USP48: variants seen among roughly 807,000 people sequenced by gnomAD.
USP48 encodes ubiquitin specific peptidase 48, also known as ubiquitin carboxyl-terminal hydrolase 48.
In USP48, 43 loss-of-function variants were observed where a neutral mutation model predicts 150.7. That is an observed-to-expected ratio of 0.29 (90% CI 0.22 to 0.37). The LOEUF (loss-of-function observed/expected upper bound fraction) is 0.37. Ranked by LOEUF, USP48 falls within the 10% of genes least tolerant of loss-of-function variation. The pLI is 1.00. For missense variants in USP48, 813 were observed against 1,249.6 expected, an observed-to-expected ratio of 0.65 and a Z score of 5.27; for synonymous variants, 396 against 425.9, an observed-to-expected ratio of 0.93 and a Z score of 0.86.
chr1:21,703,094 T>A (rs1478344891), intron 21 of USP48, among the ~76,000 whole-genome samples: 1 of 152,224 alleles, frequency 6.6e-6, no homozygotes, highest in African/African-American at 2.4e-5. Flanking sequence ...TCCTGTCTAC[T>A]CCCTGTCTCA....
chr1:21,733,927 A>G (rs2097762924), intron 9 of USP48, among the ~76,000 whole-genome samples: 1 of 151,938 alleles, frequency 6.6e-6, no homozygotes, highest in Non-Finnish European at 1.5e-5. Flanking sequence ...AAGTGTTGGG[A>G]TTATAGATGT....
At chr1:21,713,912 C>T (rs2097697193) in intron 15 of USP48, among the ~76,000 whole-genome samples, 1 of 152,142 alleles carries the variant, frequency 6.6e-6, no homozygotes, top group South Asian at 2.1e-4. Context: ...AAGACCCAAA[C>T]ACACACCCCA....
At chr1:21,766,370 A>C (rs1306463825) in intron 1 of USP48, among the ~76,000 whole-genome samples, 2 of 152,012 alleles carry the variant, frequency 1.3e-5, no homozygotes, top group African/African-American at 2.4e-5. Flanking sequence ...AAAAAAAAAC[A>C]ATGTTCCACA....
At chr1:21,681,481 C>A (rs1022884035) in intron 25 of USP48, among the ~76,000 whole-genome samples, 7 of 151,940 alleles carry the variant, frequency 4.6e-5, no homozygotes, top group Admixed American at 6.6e-5. Flanking sequence ...AGGCTCGTCT[C>A]GAACTCTTGA....
In USP48 at chr1:21,783,050, C is replaced by G; in HGVS notation, c.-93G>C. On this transcript the variant is annotated 5_prime_UTR_variant, in exon 1 of 27. Coordinates refer to ENST00000308271, the MANE Select transcript of USP48 (RefSeq NM_032236.8). ...CCCAATGGGCTTCGCCACCTGCCAG[C>G]AAGGAGGACCTGGCGCTCCTTCAGG... is the stretch of plus-strand genomic sequence containing the variant. The G allele has an allele frequency of 7.2e-7, 1 of 1,397,516 alleles. No homozygotes were observed. The highest frequency in any genetic ancestry group is 1.6e-5 in the South Asian group (1 of 63,720). 86.6% of individuals were successfully genotyped at this position (1,397,516 alleles called of 1,614,324 possible).
chr1:21,710,432 C>T (rs1274607872), intron 15 of USP48, among the ~76,000 whole-genome samples: 1 of 151,952 alleles, frequency 6.6e-6, no homozygotes, highest in Non-Finnish European at 1.5e-5. Context: ...AAACACAGCC[C>T]ATCGTCTAAG....
chr1:21,761,738 C>G (rs1236829533), intron 1 of USP48, among the ~76,000 whole-genome samples: 2 of 152,064 alleles, frequency 1.3e-5, no homozygotes, highest in African/African-American at 4.8e-5. Context: ...GCACTACAGC[C>G]TGGCCAACAA....
intron 9 of USP48, 74 bp downstream of exon 9, chr1:21,736,372 A>G: frequency 7.2e-7 from 1 of 1,388,808 alleles, no homozygotes; most frequent in Non-Finnish European, 9.7e-7. Context: ...CTTGAGCCAT[A>G]ATAATTTATC....
intron 1 of USP48, among the ~76,000 whole-genome samples, chr1:21,761,462 T>C: frequency 6.6e-6 from 1 of 150,860 alleles, no homozygotes; most frequent in South Asian, 2.1e-4. Flanking sequence ...AAAAACAGGG[T>C]CTTGCCATGT....
intron 7 of USP48, 82 bp downstream of exon 7, chr1:21,748,056 C>T: frequency 7.5e-7 from 1 of 1,329,692 alleles, no homozygotes; most frequent in Non-Finnish European, 9.8e-7. Context: ...AAATTACAAC[C>T]ATTTTATCAT....
chr1:21,688,314 G>A (rs1357031899), intron 24 of USP48, among the ~76,000 whole-genome samples: 1 of 151,918 alleles, frequency 6.6e-6, no homozygotes, highest in Non-Finnish European at 1.5e-5. Flanking sequence ...CACCTCCCGA[G>A]TTCACGCCAT....
At position 21,678,634 on chromosome 1, in the gene USP48, A is replaced by G. The variant is rs894013542; in HGVS notation, c.*783T>C. On this transcript the variant is annotated 3_prime_UTR_variant, in exon 27 of 27. Coordinates refer to ENST00000308271, the MANE Select transcript of USP48 (RefSeq NM_032236.8). Reference sequence around the variant, plus strand: ...TTTTTTATTTTCAAACGTGCCAGGTACATTTCCCACTTTTGAATAACAGCA... The same window carrying G: ...TTTTTTATTTTCAAACGTGCCAGGTGCATTTCCCACTTTTGAATAACAGCA... 6.6e-6 allele frequency: 1 copy of G among 152,228 alleles called. No homozygotes were observed. The highest frequency in any genetic ancestry group is 1.5e-5 in the Non-Finnish European group (1 of 68,036). The allele number at this position is 152,228 out of a possible 1,614,324, so 9.4% of individuals were successfully genotyped here. A position where few individuals can be genotyped will look rare whatever the true frequency, so the allele number is the denominator to read the frequency against.
chr1:21,741,766 G>GT (rs1458754807), intron 8 of USP48, among the ~76,000 whole-genome samples: 3 of 152,016 alleles, frequency 2.0e-5, no homozygotes, highest in Admixed American at 2.0e-4. Context: ...GCTTAAGGCC[G>GT]TAAGTCCGAA....
In USP48 at chr1:21,682,212, T is replaced by C. The variant is rs560416593; in HGVS notation, c.3059-1378A>G. Among the ~76,000 whole-genome samples, 9 of 152,300 alleles carry C rather than the reference T, an allele frequency of 5.9e-5. No homozygotes were observed. The South Asian group carries it at 1.7e-3, about 28-fold the overall frequency. On this transcript the variant is annotated intron_variant, in intron 25 of 26. Coordinates refer to ENST00000308271, the MANE Select transcript of USP48 (RefSeq NM_032236.8). ...GGTGTGAGGGTTACAGACTTATAGA[T>C]TGGAACTTGCTTTCCCTCAGGATCT...
chr1:21,693,928 T>C (rs2097612658), intron 23 of USP48, among the ~76,000 whole-genome samples: 1 of 152,104 alleles, frequency 6.6e-6, no homozygotes, highest in African/African-American at 2.4e-5. Flanking sequence ...ACAAGAAAAA[T>C]GTGTAACCAG....
chr1:21,748,090 A>C, intron 7 of USP48, 48 bp downstream of exon 7: 3 of 1,584,446 alleles, frequency 1.9e-6, no homozygotes, highest in Non-Finnish European at 2.6e-6. Context: ...AAGTCTGTAC[A>C]TAGTAGACCA....
intron 9 of USP48, among the ~76,000 whole-genome samples, chr1:21,735,424 A>AC (rs2097766660): frequency 6.6e-6 from 1 of 152,122 alleles, no homozygotes; most frequent in Admixed American, 6.5e-5. Context: ...ACCAGGTAAG[A>AC]CCCCGTCTCC....
At chr1:21,778,422 T>C (rs1240610721) in intron 1 of USP48, among the ~76,000 whole-genome samples, 1 of 151,814 alleles carries the variant, frequency 6.6e-6, no homozygotes, top group African/African-American at 2.4e-5. Flanking sequence ...ATATACTGCT[T>C]GTGAATATGT....
chr1:21,728,458 T>C, intron 11 of USP48, 112 bp downstream of exon 11: 1 of 1,504,044 alleles, frequency 6.6e-7, no homozygotes, highest in Non-Finnish European at 8.8e-7. Context: ...AAGCTGGCTT[T>C]AGTGGGTTAT....
Sources: allele counts gnomAD v4.1 joint callset (sites outside exome capture counted in the v4.1 genomes callset), GRCh38; gene constraint gnomAD v4.1.1; transcripts MANE v1.5; gene names NCBI Gene and HGNC (gene_info 2026-07-23, HGNC 2026-07-21).